GRIN2B: variants seen among roughly 807,000 people sequenced by gnomAD.
GRIN2B encodes glutamate ionotropic receptor NMDA type subunit 2B.
A neutral mutation model predicts 114.5 loss-of-function variants in GRIN2B; 5 were observed. The ratio of observed to expected loss-of-function variants is 0.04; its 90% CI spans 0.02 to 0.09. GRIN2B has a LOEUF of 0.09. Ranked by LOEUF, GRIN2B falls within the 10% of genes least tolerant of loss-of-function variation. The probability of loss-of-function intolerance (pLI) is 1.00; values close to 1 mark genes in which losing one functional copy is unlikely to be tolerated. For missense variants in GRIN2B, 1,108 were observed against 1,943.5 expected (o/e 0.57, Z 8.08); for synonymous variants, 787 against 745.1 (o/e 1.06, Z -0.92).
At chr12:13,711,364 C>T (rs565306448) in intron 4 of GRIN2B, among the ~76,000 whole-genome samples, 2 of 152,218 alleles carry the variant, frequency 1.3e-5, no homozygotes, top group South Asian at 2.1e-4. Context: ...CAACAAAAGC[C>T]AAAATTGAGC....
chr12:13,797,501 G>A (rs1422059952), intron 3 of GRIN2B, among the ~76,000 whole-genome samples: 1 of 152,168 alleles, frequency 6.6e-6, no homozygotes, highest in African/African-American at 2.4e-5. Flanking sequence ...CATCAGACCT[G>A]CTTATAGTTT....
At chr12:13,788,980 C>G (rs1209558305) in intron 3 of GRIN2B, among the ~76,000 whole-genome samples, 3 of 152,170 alleles carry the variant, frequency 2.0e-5, no homozygotes, top group Non-Finnish European at 4.4e-5. Context: ...AATTTGCTGA[C>G]CATCCGATTA....
chr12:13,877,619 T>G (rs1202014182), intron 2 of GRIN2B, among the ~76,000 whole-genome samples: 1 of 152,208 alleles, frequency 6.6e-6, no homozygotes, highest in Non-Finnish European at 1.5e-5. Flanking sequence ...GCACACAGAC[T>G]GAGGAAATTG....
chr12:13,894,386 T>A (rs1012969384), intron 2 of GRIN2B, among the ~76,000 whole-genome samples: 1 of 152,110 alleles, frequency 6.6e-6, no homozygotes. Context: ...TATGACAGAA[T>A]GCTAAGTAGC....
intron 2 of GRIN2B, among the ~76,000 whole-genome samples, chr12:13,897,361 C>T (rs1392292575): frequency 6.6e-6 from 1 of 152,088 alleles, no homozygotes; most frequent in Non-Finnish European, 1.5e-5. Flanking sequence ...CCTGCTTCAC[C>T]GGTAAAGCCA....
At chr12:13,727,742 A>G (rs1048532307) in intron 4 of GRIN2B, among the ~76,000 whole-genome samples, 1 of 152,190 alleles carries the variant, frequency 6.6e-6, no homozygotes, top group Non-Finnish European at 1.5e-5. Flanking sequence ...TGATGCTGTG[A>G]TCACTGCTGG....
intron 3 of GRIN2B, among the ~76,000 whole-genome samples, chr12:13,787,915 G>A (rs866246008): frequency 6.6e-6 from 1 of 152,168 alleles, no homozygotes; most frequent in African/African-American, 2.4e-5. Flanking sequence ...AATGGGGATT[G>A]CAACCCCAGA....
At chr12:13,802,605 T>C (rs1864535183) in intron 3 of GRIN2B, among the ~76,000 whole-genome samples, 1 of 152,118 alleles carries the variant, frequency 6.6e-6, no homozygotes, top group Non-Finnish European at 1.5e-5. Flanking sequence ...CAGAATTCCA[T>C]GAAGCCATAA....
rs571654311 is a variant in GRIN2B at position 13,791,409 on chromosome 12, G to A, written c.412-37494C>T. Among the ~76,000 whole-genome samples the A allele has an allele frequency of 3.7e-3, 544 of 147,516 alleles. 2 individuals are homozygous for A. The highest frequency in any genetic ancestry group is 7.5e-3 in the Middle Eastern group (2 of 266). On this transcript the variant is annotated intron_variant, in intron 3 of 13. Transcript: ENST00000609686. ...GGAGCTTGCAGTGAGCCGAGATTGC[G>A]CCACTGCACTCCAGCCTGGGTGACA...
At chr12:13,614,107 C>T (rs1034445857) in intron 8 of GRIN2B, among the ~76,000 whole-genome samples, 1 of 149,014 alleles carries the variant, frequency 6.7e-6, no homozygotes, top group African/African-American at 2.5e-5. Flanking sequence ...TCACATTTCA[C>T]ATAAAATTGG....
chr12:13,842,848 T>A (rs1461771903), intron 3 of GRIN2B, among the ~76,000 whole-genome samples: 2 of 151,008 alleles, frequency 1.3e-5, no homozygotes, highest in African/African-American at 2.4e-5. Flanking sequence ...GCTCCATACA[T>A]AATAGTCTTC....
chr12:13,974,315 A>G (rs1057393414), intron 2 of GRIN2B, among the ~76,000 whole-genome samples: 1 of 152,234 alleles, frequency 6.6e-6, no homozygotes, highest in African/African-American at 2.4e-5. Context: ...TTCTAGAGGC[A>G]AGTCTAATAA....
chr12:13,768,360 C>CA (rs1012005663), intron 3 of GRIN2B, among the ~76,000 whole-genome samples: 5 of 152,180 alleles, frequency 3.3e-5, no homozygotes, highest in African/African-American at 1.2e-4. Context: ...GAGTCTGAAC[C>CA]AAAAAAACTT....
intron 12 of GRIN2B, among the ~76,000 whole-genome samples, chr12:13,567,938 A>G (rs1341332650): frequency 6.6e-6 from 1 of 152,106 alleles, no homozygotes; most frequent in African/African-American, 2.4e-5. Context: ...CGAGTGATTC[A>G]GAAAATTGCC....
chr12:13,973,958 G>C (rs1200528834), intron 2 of GRIN2B, among the ~76,000 whole-genome samples: 1 of 152,150 alleles, frequency 6.6e-6, no homozygotes, highest in African/African-American at 2.4e-5. Context: ...CTCCACACCT[G>C]GACATCCCCA....
In GRIN2B at chr12:13,564,863, G is replaced by GT. The variant is rs1436533576; in HGVS notation, c.2599-225_2599-224insA. ...TGAGGTCAGTGACCTGGCCATCAGA[G>GT]GGGGGGGCATGGCCCCACCCAGTAA... On this transcript the variant is annotated intron_variant, in intron 13 of 13. Coordinates refer to ENST00000609686, the MANE Select transcript of GRIN2B (RefSeq NM_000834.5). This position sits in a 1 kb window ranked among gnomAD's most constrained non-coding sequence, Gnocchi z 4.8. Among the ~76,000 whole-genome samples, 1 of 132,096 alleles carries GT rather than the reference G, an allele frequency of 7.6e-6. No individual in the cohort carries two copies. The highest frequency in any genetic ancestry group is 3.0e-4 in the East Asian group (1 of 3,302). The allele number at this position is 132,096 out of a possible 152,430, so 86.7% of individuals were successfully genotyped here.
intron 4 of GRIN2B, among the ~76,000 whole-genome samples, chr12:13,736,120 T>C (rs1863176370): frequency 2.1e-5 from 2 of 97,178 alleles, no homozygotes; most frequent in Admixed American, 1.2e-4. Context: ...TGAACTATCA[T>C]CTCCCATAGA....
intron 3 of GRIN2B, among the ~76,000 whole-genome samples, chr12:13,764,988 C>A (rs753339215): frequency 5.8e-4 from 89 of 152,336 alleles, no homozygotes; most frequent in Admixed American, 1.2e-3. Context: ...ATGAGTGCAA[C>A]ATGCAGTCTC....
intron 3 of GRIN2B, among the ~76,000 whole-genome samples, chr12:13,771,600 A>C (rs1338082922): frequency 1.3e-5 from 2 of 152,220 alleles, no homozygotes; most frequent in Non-Finnish European, 2.9e-5. Flanking sequence ...CCAGAATATA[A>C]AAGTGCTAAT....
Sources: gnomAD v4.1 joint callset for allele counts (sites outside exome capture counted in the v4.1 genomes callset) on GRCh38, gnomAD v4.1.1 for gene constraint, Gnocchi (gnomAD v3.1) non-coding constraint, MANE v1.5 for transcripts, NCBI Gene and HGNC (gene_info 2026-07-23, HGNC 2026-07-21) for gene names.